PPL: variants seen among roughly 807,000 people sequenced by gnomAD.
PPL encodes the protein periplakin, also known as 190 kDa paraneoplastic pemphigus antigen.
PPL carries 198 observed loss-of-function variants against 194.4 expected under a neutral mutation model. That is an observed-to-expected ratio of 1.02 (90% CI 0.91 to 1.15). The LOEUF is 1.15. Ranked by LOEUF, PPL falls within the 50% of genes most tolerant of loss-of-function variation. The probability of loss-of-function intolerance (pLI) is 0.00; values close to 1 mark genes in which losing one functional copy is unlikely to be tolerated. For synonymous variants in PPL, 1,220 were observed against 972.4 expected (o/e 1.25, Z -4.74); for missense variants, 2,885 against 2,294.8 (o/e 1.26, Z -5.25).
Position 4,888,200 on chromosome 16 carries a change from C to T in PPL, c.2416G>A (p.Glu806Lys), listed in dbSNP as rs769089276. Residue 806 changes from glutamate (E) to lysine (K), a missense_variant, in exon 20 of 22, where the codon GAA (glutamate) becomes AAA (lysine). Coordinates refer to ENST00000345988, the MANE Select transcript of PPL (RefSeq NM_002705.5). ...AAGTCGAGAAGAGACCTTAGTTTTT[C>T]TGCTTCTAACTCATAGTCCTGCATG... is the stretch of plus-strand genomic sequence containing the variant. ...QAVKDYELEAEKLRSLLDLEN... is the reference protein window; with the variant it reads ...QAVKDYELEAKKLRSLLDLEN... 1.2e-6 allele frequency: 2 copies of T among 1,610,432 alleles called. No homozygotes were observed. The highest frequency in any genetic ancestry group is 2.2e-5 in the South Asian group (2 of 91,018).
At position 4,890,198 on chromosome 16, in the gene PPL, G is replaced by C. The variant is rs767593837; in HGVS notation, c.2299C>G (p.Leu767Val). The C allele has an allele frequency of 1.6e-5, 26 of 1,614,062 alleles. No homozygotes were observed. Among genetic ancestry groups the C allele is most frequent in the Non-Finnish European group, 2.2e-5 (26 of 1,180,044 alleles). Residue 767 changes from leucine (L) to valine (V), a missense_variant, in exon 18 of 22, where the codon CTG becomes GTG. Coordinates refer to ENST00000345988, the MANE Select transcript of PPL (RefSeq NM_002705.5). ...TDSLSQMETK[L>V]KNQKNLLDEI... is the part of the protein sequence containing the mutation. Reference sequence around the variant, plus strand: ...GGCCATCTCACCTTCTGGTTCTTCAGCTTGGTCTCCATCTGGCTGAGGCTG... The same window carrying C: ...GGCCATCTCACCTTCTGGTTCTTCACCTTGGTCTCCATCTGGCTGAGGCTG...
intron 1 of PPL, among the ~76,000 whole-genome samples, chr16:4,923,403 T>G (rs1239902212): frequency 6.6e-6 from 1 of 151,908 alleles, no homozygotes; most frequent in Non-Finnish European, 1.5e-5. Context: ...GACCTAAGAG[T>G]TGGGGAGATA....
chr16:4,931,181 T>G (rs554327876), intron 1 of PPL, among the ~76,000 whole-genome samples: 1 of 151,926 alleles, frequency 6.6e-6, no homozygotes, highest in Non-Finnish European at 1.5e-5. Flanking sequence ...GTGGGCAATA[T>G]AGTGAGACCC....
rs1462913210 is a variant in PPL, at chr16:4,936,968, G to C, written c.62+16C>G. The C allele has an allele frequency of 1.9e-6, 3 of 1,585,222 alleles. No individual in the cohort carries two copies. Among genetic ancestry groups the C allele is most frequent in the Middle Eastern group, 1.7e-4 (1 of 5,968 alleles). ...GGCAAGAGCGTCCCGGAGCGGAGCTGTGGGCGCCTCCTCACCTCCGGGTCT... is the reference window on the plus strand; with the variant it reads ...GGCAAGAGCGTCCCGGAGCGGAGCTCTGGGCGCCTCCTCACCTCCGGGTCT... On this transcript the variant is annotated intron_variant, in intron 1 of 21. Coordinates refer to ENST00000345988, the MANE Select transcript of PPL (RefSeq NM_002705.5).
In PPL at chr16:4,885,815, T is replaced by G. The variant is rs2088208740; in HGVS notation, c.2840A>C (p.Glu947Ala). ...CCGCTGCAGCTGCTGGAAGCTCTCC[T>G]CCAGCACGGGATCCGGCACCTTCTT... ...VLKKVPDPVL[E>A]ESFQQLQRTL... Residue 947 changes from glutamate to alanine, a missense_variant, in exon 22 of 22, where the codon GAG becomes GCG. Transcript: ENST00000345988. The surrounding 1 kb of genome is among the most constrained non-coding windows in gnomAD (Gnocchi z 6.3). 6.2e-7 allele frequency: 1 copy of G among 1,608,414 alleles called. No homozygotes were observed. Among genetic ancestry groups the G allele is most frequent in the African/African-American group, 1.3e-5 (1 of 74,914 alleles).
At chr16:4,918,677 A>G (rs1264569538) in intron 1 of PPL, among the ~76,000 whole-genome samples, 2 of 152,220 alleles carry the variant, frequency 1.3e-5, no homozygotes, top group African/African-American at 2.4e-5. Flanking sequence ...AGCAAGGCAG[A>G]GCTGGGATTC....
chr16:4,918,693 C>A (rs956722758), intron 1 of PPL, among the ~76,000 whole-genome samples: 1 of 152,166 alleles, frequency 6.6e-6, no homozygotes, highest in African/African-American at 2.4e-5. Context: ...GATTCGAATC[C>A]AGGCCTCCGG....
rs766453954 is a variant in PPL, at chr16:4,899,058, G to A, written c.831C>T (p.Gly277=). The A allele has an allele frequency of 1.2e-5, 20 of 1,612,880 alleles. No homozygotes were observed. In the South Asian group the frequency reaches 1.3e-4, roughly 11 times the overall value. The change falls in exon 8 of 22, where the codon GGC becomes GGT. Residue 277 remains glycine (G), a synonymous_variant. Transcript: ENST00000345988. ...GGTGCTCGGCCGCCAGCAGCTGGTC[G>A]CCCTCGCTGTGCAGTTTGTTGATTC... The part of the protein sequence containing the change: ...EERINKLHSE[G]DQLLAAEHPG...
In PPL at chr16:4,888,091, A is replaced by G; in HGVS notation, c.2514+11T>C. 3 of 1,604,312 alleles carry G rather than the reference A, an allele frequency of 1.9e-6. No homozygotes were observed. Among genetic ancestry groups the G allele is most frequent in the Non-Finnish European group, 1.7e-6 (2 of 1,171,148 alleles). On this transcript the variant is annotated intron_variant, in intron 20 of 21. Transcript: ENST00000345988. ...CCTCAGTCCCGAGGCCGCCTGGCCC[A>G]TGGAACTCACCTCTTCCTTCACTTT...
chr16:4,912,771 T>C (rs1174122068), intron 1 of PPL, among the ~76,000 whole-genome samples: 2 of 152,186 alleles, frequency 1.3e-5, no homozygotes, highest in African/African-American at 4.8e-5. Context: ...CGTGGTGGCG[T>C]CAGGCCCAGC....
At chr16:4,928,793 C>T (rs1034344123) in intron 1 of PPL, among the ~76,000 whole-genome samples, 2 of 152,004 alleles carry the variant, frequency 1.3e-5, no homozygotes, top group Non-Finnish European at 2.9e-5. Context: ...GGTGGATCAC[C>T]TGAGGTCAGG....
At chr16:4,929,428 G>A (rs564405630) in intron 1 of PPL, among the ~76,000 whole-genome samples, 1 of 152,158 alleles carries the variant, frequency 6.6e-6, no homozygotes, top group South Asian at 2.1e-4. Context: ...CCCGCCAGCT[G>A]TGCCCCACGC....
intron 1 of PPL, among the ~76,000 whole-genome samples, chr16:4,924,264 C>G (rs1486431794): frequency 1.3e-5 from 2 of 152,112 alleles, no homozygotes; most frequent in African/African-American, 4.8e-5. Context: ...GACAGGTGGT[C>G]AACAGAACAT....
Position 4,899,310 on chromosome 16 carries a change from G to A in PPL, c.681C>T (p.Tyr227=). The part of the protein sequence containing the change: ...DYMQRCTNEL[Y]WLDQQAKGRM... ...GGCCCTTGGCCTGCTGGTCCAGCCA[G>A]TACAGCTCATTGGTGCAGCGCTGCA... is the stretch of plus-strand genomic sequence containing the variant. The change falls in exon 7 of 22, where the codon TAC becomes TAT. Residue 227 remains tyrosine, a synonymous_variant. Coordinates refer to ENST00000345988, the MANE Select transcript of PPL (RefSeq NM_002705.5). The A allele has an allele frequency of 6.2e-7, 1 of 1,613,782 alleles. No homozygotes were observed. The highest frequency in any genetic ancestry group is 1.1e-5 in the South Asian group (1 of 91,086).
rs1054237291 is a variant in PPL, at chr16:4,903,752, C to G, written c.317+134G>C. 55 of 1,033,318 alleles carry G rather than the reference C, an allele frequency of 5.3e-5. No homozygotes were observed. In the African/African-American group the frequency reaches 7.7e-4, roughly 14 times the overall value. The allele number at this position is 1,033,318 out of a possible 1,614,324, so 64.0% of individuals were successfully genotyped here. On this transcript the variant is annotated intron_variant, in intron 3 of 21. Coordinates refer to ENST00000345988, the MANE Select transcript of PPL (RefSeq NM_002705.5). ...AAAAAAAAGAAAGGATCATGTGAAG[C>G]CTTTGGCACGTGCCTGGCACCTAAT...
rs372340448 is a variant in PPL at position 4,891,964 on chromosome 16, C to G, written c.1830-15G>C. On this transcript the variant is annotated splice_polypyrimidine_tract_variant and intron_variant, in intron 15 of 21. Coordinates refer to ENST00000345988, the MANE Select transcript of PPL (RefSeq NM_002705.5). ...CCACATCAACCCTGAGAGCACCAAT[C>G]AGGCGTCGGGGGATGCCCACCTGGC... 1 of 1,611,536 alleles carries G rather than the reference C, an allele frequency of 6.2e-7. No homozygotes were observed. The highest frequency in any genetic ancestry group is 8.5e-7 in the Non-Finnish European group (1 of 1,179,040).
rs1256348995 is a variant in PPL at position 4,890,735 on chromosome 16, C to G, written c.2155G>C (p.Glu719Gln). The G allele has an allele frequency of 3.1e-6, 5 of 1,606,040 alleles. No homozygotes were observed. The highest frequency in any genetic ancestry group is 4.2e-6 in the Non-Finnish European group (5 of 1,176,922). The change falls in exon 17 of 22, where the codon GAA becomes CAA. Residue 719 changes from glutamate (E) to glutamine (Q), a missense_variant. Coordinates refer to ENST00000345988, the MANE Select transcript of PPL (RefSeq NM_002705.5). Reference sequence around the variant, plus strand: ...CACCCACCGCACCCTCACCTGCGTTCCACCTGCTGGCGCAGGTTGTTGAAA... The same window carrying G: ...CACCCACCGCACCCTCACCTGCGTTGCACCTGCTGGCGCAGGTTGTTGAAA... The part of the protein sequence containing the change: ...QRFNNLRQQV[E>Q]RRAQSLQSAK...
chr16:4,883,057 C>A lies in PPL; in HGVS notation c.*327G>T. On this transcript the variant is annotated 3_prime_UTR_variant, in exon 22 of 22. Coordinates refer to ENST00000345988, the MANE Select transcript of PPL (RefSeq NM_002705.5). The surrounding 1 kb of genome is among the most constrained non-coding windows in gnomAD (Gnocchi z 4.8). ...GCTTGGCTGCTGTGGTTGGCTTGTC[C>A]TTCAGTGGTTTTCAGATTGTGTGCA... 3.1e-6 allele frequency: 1 copy of A among 317,918 alleles called. No homozygotes were observed. The highest frequency in any genetic ancestry group is 5.9e-6 in the Non-Finnish European group (1 of 168,110). The allele number at this position is 317,918 out of a possible 1,614,324, so 19.7% of individuals were successfully genotyped here. A position where few individuals can be genotyped will look rare whatever the true frequency, so the allele number is the denominator to read the frequency against.
intron 9 of PPL, 142 bp downstream of exon 9, chr16:4,897,533 T>C (rs8051246): frequency 0.98 from 609,001 of 621,182 alleles, 299,483 homozygotes; most frequent in East Asian, 1. Flanking sequence ...ATCAGAAGCA[T>C]GGGTGCTGGG....
Sources: gnomAD v4.1 joint callset for allele counts (sites outside exome capture counted in the v4.1 genomes callset) on GRCh38, gnomAD v4.1.1 for gene constraint, Gnocchi (gnomAD v3.1) non-coding constraint, MANE v1.5 for transcripts, NCBI Gene and HGNC (gene_info 2026-07-23, HGNC 2026-07-21) for gene names.